Variants in THSD4 observed in about 807,000 individuals in gnomAD.
The protein encoded by THSD4 is thrombospondin type 1 domain containing 4, also known as thrombospondin type-1 domain-containing protein 4.
A neutral mutation model predicts 119.0 loss-of-function variants in THSD4; 69 were observed. The observed-to-expected ratio is 0.58, with a 90% confidence interval of 0.48 to 0.71. The LOEUF (loss-of-function observed/expected upper bound fraction) is 0.71, where lower values mean the gene tolerates loss of function less well. Ranked by LOEUF, THSD4 falls within the 30% of genes least tolerant of loss-of-function variation. THSD4 has a pLI of 0.00. For synonymous variants in THSD4, 524 were observed against 540.4 expected, an observed-to-expected ratio of 0.97 and a Z score of 0.42; for missense variants, 1,393 against 1,391.1, an observed-to-expected ratio of 1.00 and a Z score of -0.02.
At chr15:71,357,927 C>T (rs1200767133) in intron 6 of THSD4, among the ~76,000 whole-genome samples, 5 of 152,170 alleles carry the variant, frequency 3.3e-5, no homozygotes, top group African/African-American at 7.2e-5. Context: ...CCTTGTGCTG[C>T]GCGATTCCTA....
At chr15:71,183,060 C>A (rs1403132588) in intron 3 of THSD4, 1 of 151,786 alleles carries the variant, frequency 6.6e-6, no homozygotes, top group Non-Finnish European at 1.5e-5. Flanking sequence ...TGAAGACATA[C>A]CGGAGACTGG....
At chr15:71,225,185 C>T (rs1029177852) in intron 4 of THSD4, among the ~76,000 whole-genome samples, 2 of 152,146 alleles carry the variant, frequency 1.3e-5, no homozygotes, top group South Asian at 4.1e-4. Flanking sequence ...TACCCTTAAG[C>T]ATTCTTCTTT....
intron 7 of THSD4, among the ~76,000 whole-genome samples, chr15:71,501,725 G>T (rs552895228): frequency 6.6e-6 from 1 of 152,286 alleles, no homozygotes; most frequent in South Asian, 2.1e-4. Context: ...ATAAAATATT[G>T]TGTTCCTTTT....
chr15:71,733,866 G>C (rs952059253), intron 10 of THSD4: 1 of 143,640 alleles, frequency 7.0e-6, no homozygotes, highest in African/African-American at 2.6e-5. Context: ...GGTGCAGTGA[G>C]CCTCCTGCAC....
intron 6 of THSD4, among the ~76,000 whole-genome samples, chr15:71,367,170 T>C (rs1359339507): frequency 6.6e-6 from 1 of 152,198 alleles, no homozygotes; most frequent in Non-Finnish European, 1.5e-5. Flanking sequence ...AGGTTGACCT[T>C]GATGATGTCA....
At chr15:71,411,166 G>A (rs1005663700) in intron 6 of THSD4, among the ~76,000 whole-genome samples, 4 of 152,166 alleles carry the variant, frequency 2.6e-5, no homozygotes, top group Non-Finnish European at 5.9e-5. Context: ...GCAAAGCGTG[G>A]GAGGATGTCT....
chr15:71,627,354 T>C (rs539777222), intron 7 of THSD4, among the ~76,000 whole-genome samples: 177 of 152,346 alleles, frequency 1.2e-3, no homozygotes, highest in African/African-American at 4.1e-3. Context: ...AATCATGGCA[T>C]TGGCTTTTGA....
chr15:71,685,919 C>A (rs1287142525), intron 8 of THSD4, among the ~76,000 whole-genome samples: 1 of 152,128 alleles, frequency 6.6e-6, no homozygotes, highest in Non-Finnish European at 1.5e-5. Flanking sequence ...ACCATACTTT[C>A]AGATATACTT....
At chr15:71,360,769 G>T (rs2045883889) in intron 6 of THSD4, among the ~76,000 whole-genome samples, 1 of 152,134 alleles carries the variant, frequency 6.6e-6, no homozygotes, top group Non-Finnish European at 1.5e-5. Context: ...AAAATTGTGT[G>T]GTTAATTTTT....
chr15:71,267,132 G>A (rs1469663823), intron 6 of THSD4, among the ~76,000 whole-genome samples: 1 of 152,066 alleles, frequency 6.6e-6, no homozygotes, highest in Non-Finnish European at 1.5e-5. Context: ...GATACTGCTC[G>A]AGAAGAGCAA....
At chr15:71,583,041 T>A (rs570114084) in intron 7 of THSD4, among the ~76,000 whole-genome samples, 2 of 152,310 alleles carry the variant, frequency 1.3e-5, no homozygotes, top group African/African-American at 4.8e-5. Context: ...AATTCACTGG[T>A]GAAGCCATCC....
At position 71,449,880 on chromosome 15, in the gene THSD4, G is replaced by T. The variant is rs145920549; in HGVS notation, c.1152+38057G>T. Among the ~76,000 whole-genome samples, 3 of 152,202 alleles carry T rather than the reference G, an allele frequency of 2.0e-5. No individual in the cohort carries two copies. In the East Asian group the frequency reaches 5.8e-4, roughly 29 times the overall value. ...TGTTATCCACCTAGTTCCTTGGGTA[G>T]CTTTTACCACAAATTCATGATAGAA... On this transcript the variant is annotated intron_variant, in intron 7 of 17. Coordinates refer to ENST00000261862, the MANE Select transcript of THSD4 (RefSeq NM_024817.3).
At chr15:71,307,031 C>G (rs952426305) in intron 6 of THSD4, among the ~76,000 whole-genome samples, 1 of 152,212 alleles carries the variant, frequency 6.6e-6, no homozygotes, top group African/African-American at 2.4e-5. Flanking sequence ...CTGCAGTCCT[C>G]CCTCAAGCCA....
At chr15:71,587,800 GA>G (rs1555429620) in intron 7 of THSD4, among the ~76,000 whole-genome samples, 4 of 39,142 alleles carry the variant, frequency 1.0e-4, no homozygotes, top group African/African-American at 2.6e-4. Flanking sequence ...AAAAAAAAAA[GA>G]AAAAAAAAAA....
rs531862951 is a variant in THSD4 at position 71,666,637 on chromosome 15, A to G, written c.1357+5903A>G. The stretch of plus-strand genomic sequence containing the variant: ...TTAGACGTACTAAAACTTACTATTA[A>G]TACTTTGCTTATTTCAAAATGCTTT... On this transcript the variant is annotated intron_variant, in intron 8 of 17. Transcript: ENST00000261862. Among the ~76,000 whole-genome samples the G allele has an allele frequency of 2.0e-5, 3 of 152,316 alleles. No homozygotes were observed. The East Asian group carries it at 5.8e-4, about 29-fold the overall frequency.
chr15:71,745,203 G>A lies in THSD4; in HGVS notation c.2004G>A (p.Glu668=). The part of the protein sequence containing the change: ...CDSSMKPTPE[E]EPCNIFPCPA... ...CCAGCATGAAGCCGACCCCCGAGGAGGAGCCCTGCAACATCTTCCCTTGCC... is the reference window on the plus strand; with the variant it reads ...CCAGCATGAAGCCGACCCCCGAGGAAGAGCCCTGCAACATCTTCCCTTGCC... Residue 668 remains glutamate (E), a synonymous_variant, in exon 12 of 18, where the codon GAG becomes GAA. Transcript: ENST00000261862. The A allele has an allele frequency of 3.1e-6, 5 of 1,613,734 alleles. No homozygotes were observed. The highest frequency in any genetic ancestry group is 4.2e-6 in the Non-Finnish European group (5 of 1,180,012).
chr15:71,442,234 A>G (rs962013150), intron 7 of THSD4, among the ~76,000 whole-genome samples: 2 of 151,836 alleles, frequency 1.3e-5, no homozygotes, highest in African/African-American at 4.8e-5. Context: ...CTGGGATTAC[A>G]GACATGAGCC....
intron 6 of THSD4, among the ~76,000 whole-genome samples, chr15:71,276,799 T>A (rs11634514): frequency 0.43 from 66,174 of 152,172 alleles, 15,947 homozygotes; most frequent in Middle Eastern, 0.71. Flanking sequence ...ATTGTCTAAA[T>A]GTATTCACAT....
At chr15:71,252,591 A>G (rs553654249) in intron 5 of THSD4, among the ~76,000 whole-genome samples, 1 of 152,270 alleles carries the variant, frequency 6.6e-6, no homozygotes, top group South Asian at 2.1e-4. Context: ...CTGGGGACCC[A>G]TCACAAATTA....
Sources: gnomAD v4.1 joint callset for allele counts (sites outside exome capture counted in the v4.1 genomes callset) on GRCh38, gnomAD v4.1.1 for gene constraint, MANE v1.5 for transcripts, NCBI Gene and HGNC (gene_info 2026-07-23, HGNC 2026-07-21) for gene names.